RAI14: variants seen among roughly 807,000 people sequenced by gnomAD.
RAI14 encodes retinoic acid induced 14.
RAI14 carries 45 observed loss-of-function variants against 115.4 expected under a neutral mutation model. The observed-to-expected ratio is 0.39, with a 90% confidence interval of 0.31 to 0.50. The LOEUF is 0.50. Ranked by LOEUF, RAI14 falls within the 20% of genes least tolerant of loss-of-function variation. The pLI is 0.85. For synonymous variants in RAI14, 371 were observed against 415.4 expected, an observed-to-expected ratio of 0.89 and a Z score of 1.30; for missense variants, 939 against 1,131.2, an observed-to-expected ratio of 0.83 and a Z score of 2.44.
intron 2 of RAI14, among the ~76,000 whole-genome samples, chr5:34,692,402 A>T (rs1480708518): frequency 6.6e-6 from 1 of 152,006 alleles, no homozygotes; most frequent in African/African-American, 2.4e-5. Flanking sequence ...GTCACCACAC[A>T]TACATGCACA....
rs933639244 is a variant in RAI14, at chr5:34,770,223, C to T, written c.167+12625C>T. 7.2e-5 allele frequency among the ~76,000 whole-genome samples: 11 copies of T among 152,134 alleles called. 1 individual carries two copies. Among genetic ancestry groups the T allele is most frequent in the Admixed American group, 2.6e-4 (4 of 15,266 alleles). On this transcript the variant is annotated intron_variant, in intron 3 of 17. Transcript: ENST00000265109. ...AAACCATACTTTGAGAACCACTGCA[C>T]GACACTGTTGGGAAGCAAAATCGAG... is the stretch of plus-strand genomic sequence containing the variant.
intron 2 of RAI14, chr5:34,716,639 A>G (rs1441246000): frequency 6.6e-6 from 1 of 152,118 alleles, no homozygotes; most frequent in African/African-American, 2.4e-5. Flanking sequence ...TCTTGAACTT[A>G]TGACCTCAAG....
intron 3 of RAI14, among the ~76,000 whole-genome samples, chr5:34,780,309 A>G (rs1342099072): frequency 1.3e-5 from 2 of 152,238 alleles, no homozygotes; most frequent in Non-Finnish European, 2.9e-5. Flanking sequence ...GGACATAGGC[A>G]TGGGCAAGGA....
At chr5:34,779,975 A>G (rs1751400713) in intron 3 of RAI14, among the ~76,000 whole-genome samples, 2 of 152,222 alleles carry the variant, frequency 1.3e-5, no homozygotes, top group South Asian at 4.1e-4. Context: ...AAACTATACT[A>G]CAAGACTACC....
chr5:34,727,285 T>A (rs1378797796), intron 2 of RAI14, among the ~76,000 whole-genome samples: 4 of 152,070 alleles, frequency 2.6e-5, no homozygotes, highest in Non-Finnish European at 4.4e-5. Flanking sequence ...TGATTTAGGG[T>A]ATCTGGTGGA....
chr5:34,657,393 G>T (rs1311526385), intron 1 of RAI14: 1 of 152,668 alleles, frequency 6.6e-6, no homozygotes, highest in African/African-American at 2.4e-5. Flanking sequence ...GCCTGGAGAA[G>T]CAACAGACGG....
intron 3 of RAI14, among the ~76,000 whole-genome samples, chr5:34,775,293 AC>A (rs1018473950): frequency 6.6e-6 from 1 of 152,254 alleles, no homozygotes; most frequent in African/African-American, 2.4e-5. Context: ...AAGCTTCTGC[AC>A]AGCAAAAGAA....
chr5:34,675,234 C>T (rs75075846), intron 1 of RAI14, among the ~76,000 whole-genome samples: 17,168 of 152,158 alleles, frequency 0.11, 2,661 homozygotes, highest in African/African-American at 0.35. Context: ...TGAGTTAGAA[C>T]TTACTTTCTG....
chr5:34,828,471 G>C (rs1006836005), intron 16 of RAI14, among the ~76,000 whole-genome samples: 1 of 151,548 alleles, frequency 6.6e-6, no homozygotes, highest in African/African-American at 2.4e-5. Context: ...TTGCTGAAAG[G>C]TGGGGAGGGA....
rs1744543071 is a variant in RAI14 at position 34,683,532 on chromosome 5, C to T, written c.-48-3340C>T. Among the ~76,000 whole-genome samples the T allele has an allele frequency of 2.6e-5, 4 of 152,114 alleles. No homozygotes were observed. The South Asian group carries it at 8.3e-4, about 32-fold the overall frequency. ...CAAACAAAAATCTTACCCACTGTTG[C>T]CTAAGACTTTGTGCTCTCTGAATAT... On this transcript the variant is annotated intron_variant, in intron 1 of 17. Coordinates refer to ENST00000265109, the MANE Select transcript of RAI14 (RefSeq NM_015577.3).
intron 4 of RAI14, among the ~76,000 whole-genome samples, chr5:34,797,428 C>T (rs1417422377): frequency 7.3e-6 from 1 of 137,458 alleles, no homozygotes; most frequent in East Asian, 2.1e-4. Flanking sequence ...AATCTTTATC[C>T]TTTGAGAATA....
At chr5:34,752,973 A>G (rs1055131822) in intron 2 of RAI14, among the ~76,000 whole-genome samples, 7 of 151,962 alleles carry the variant, frequency 4.6e-5, no homozygotes, top group African/African-American at 1.7e-4. Flanking sequence ...ACATACATGT[A>G]ATAAATAAAA....
intron 3 of RAI14, among the ~76,000 whole-genome samples, chr5:34,776,803 T>TCAAAAAACAAAAACAAAAA (rs1279080501): frequency 4.3e-4 from 62 of 144,986 alleles, no homozygotes; most frequent in African/African-American, 1.4e-3. Flanking sequence ...TGAGACCCTT[T>TCAAAAAACAAAAACAAAAA]ATTAAAAAAA....
intron 4 of RAI14, among the ~76,000 whole-genome samples, chr5:34,797,737 G>A (rs1732367726): frequency 6.6e-6 from 1 of 152,134 alleles, no homozygotes; most frequent in Admixed American, 6.5e-5. Flanking sequence ...TGTTTTTAAA[G>A]TTCATTGTCA....
At chr5:34,686,158 G>A (rs943189700) in intron 1 of RAI14, among the ~76,000 whole-genome samples, 5 of 152,150 alleles carry the variant, frequency 3.3e-5, no homozygotes, top group Admixed American at 2.0e-4. Context: ...TTGCAGCACA[G>A]AAGATATGTT....
intron 2 of RAI14, among the ~76,000 whole-genome samples, chr5:34,743,126 T>C (rs1185019194): frequency 2.0e-5 from 3 of 152,336 alleles, no homozygotes; most frequent in Non-Finnish European, 4.4e-5. Context: ...ACCCTCTCCA[T>C]GTGTCACCGC....
At position 34,711,365 on chromosome 5, in the gene RAI14, C is replaced by T. The variant is rs182214137; in HGVS notation, c.36+24410C>T. ...GGTGGGGAGAATTACAGAGAACCTTCTTAAGGGTGGGGGAAATTATAAAGA... is the reference window on the plus strand; with the variant it reads ...GGTGGGGAGAATTACAGAGAACCTTTTTAAGGGTGGGGGAAATTATAAAGA... On this transcript the variant is annotated intron_variant, in intron 2 of 17. Transcript: ENST00000265109. Among the ~76,000 whole-genome samples the T allele has an allele frequency of 7.9e-3, 1,201 of 152,094 alleles. 7 individuals carry two copies. The highest frequency in any genetic ancestry group is 0.011 in the Non-Finnish European group (763 of 67,958).
At chr5:34,725,971 A>G (rs1358867897) in intron 2 of RAI14, among the ~76,000 whole-genome samples, 1 of 151,932 alleles carries the variant, frequency 6.6e-6, no homozygotes, top group Non-Finnish European at 1.5e-5. Flanking sequence ...TCAAAAAAAA[A>G]AAAAAAAGCC....
chr5:34,707,824 A>C (rs1194754680), intron 2 of RAI14, among the ~76,000 whole-genome samples: 1 of 152,236 alleles, frequency 6.6e-6, no homozygotes, highest in African/African-American at 2.4e-5. Context: ...TCCTTGAAAT[A>C]GACAGTTATT....
Sources: allele counts gnomAD v4.1 joint callset (sites outside exome capture counted in the v4.1 genomes callset), GRCh38; gene constraint gnomAD v4.1.1; transcripts MANE v1.5; gene names NCBI Gene and HGNC (gene_info 2026-07-23, HGNC 2026-07-21).